The following IGF2BP3 variants were observed in gnomAD, a reference collection of about 807,000 sequenced individuals.
The protein encoded by IGF2BP3 is insulin-like growth factor 2 mRNA-binding protein 3.
IGF2BP3 carries 9 observed loss-of-function variants against 73.8 expected under a neutral mutation model. The observed-to-expected ratio is 0.12, with a 90% CI of 0.07 to 0.21. IGF2BP3 has a LOEUF of 0.21. Ranked by LOEUF, IGF2BP3 falls within the 10% of genes least tolerant of loss-of-function variation. The probability of loss-of-function intolerance (pLI) is 1.00; values close to 1 mark genes in which losing one functional copy is unlikely to be tolerated. For missense variants in IGF2BP3, 542 were observed against 714.0 expected, an observed-to-expected ratio of 0.76 and a Z score of 2.75; for synonymous variants, 258 against 256.7, an observed-to-expected ratio of 1.01 and a Z score of -0.05.
intron 3 of IGF2BP3, among the ~76,000 whole-genome samples, chr7:23,408,052 C>T (rs1467990126): frequency 6.6e-6 from 1 of 151,322 alleles, no homozygotes; most frequent in African/African-American, 2.4e-5. Flanking sequence ...AACAATCCAA[C>T]ATTCACTCAT....
At chr7:23,363,591 C>T (rs1402147649) in intron 3 of IGF2BP3, among the ~76,000 whole-genome samples, 1 of 152,024 alleles carries the variant, frequency 6.6e-6, no homozygotes, top group Non-Finnish European at 1.5e-5. Context: ...GAGTGAAATG[C>T]CCTTTATTTT....
chr7:23,425,899 G>A (rs942605265), intron 2 of IGF2BP3, among the ~76,000 whole-genome samples: 5 of 152,128 alleles, frequency 3.3e-5, no homozygotes, highest in Non-Finnish European at 5.9e-5. Flanking sequence ...TAGGGAGGTC[G>A]AGGCTGCAGT....
intron 2 of IGF2BP3, among the ~76,000 whole-genome samples, chr7:23,462,388 G>A (rs11760400): frequency 0.35 from 52,053 of 149,520 alleles, 9,381 homozygotes; most frequent in Middle Eastern, 0.42. Flanking sequence ...TTGAGACGGA[G>A]TCTTGCTCTG....
chr7:23,425,978 C>CA (rs140294159), intron 2 of IGF2BP3, among the ~76,000 whole-genome samples: 38,238 of 150,044 alleles, frequency 0.25, 5,189 homozygotes, highest in Middle Eastern at 0.39. Flanking sequence ...AAAAAACAAA[C>CA]AAAAAAACCC....
intron 12 of IGF2BP3, among the ~76,000 whole-genome samples, chr7:23,316,401 C>T (rs1783988356): frequency 6.6e-6 from 1 of 152,024 alleles, no homozygotes; most frequent in African/African-American, 2.4e-5. Context: ...AAGGCTTGGC[C>T]AGGAGCACAG....
chr7:23,442,408 GTT>G (rs56817921), intron 2 of IGF2BP3, among the ~76,000 whole-genome samples: 2 of 151,498 alleles, frequency 1.3e-5, no homozygotes, highest in Non-Finnish European at 2.9e-5. Context: ...TTTTTGTTTT[GTT>G]TTTTTTAGAT....
chr7:23,456,841 A>G (rs1328065990), intron 2 of IGF2BP3, among the ~76,000 whole-genome samples: 1 of 151,952 alleles, frequency 6.6e-6, no homozygotes, highest in Non-Finnish European at 1.5e-5. Context: ...CGAGGTCGAG[A>G]TCGAGACCAT....
At chr7:23,406,694 G>A (rs1786842598) in intron 3 of IGF2BP3, among the ~76,000 whole-genome samples, 1 of 152,156 alleles carries the variant, frequency 6.6e-6, no homozygotes, top group South Asian at 2.1e-4. Flanking sequence ...GGCTCAGGTG[G>A]CCAACTTTTA....
intron 2 of IGF2BP3, chr7:23,467,679 TAAGAAA>T (rs971422448): frequency 6.3e-4 from 96 of 152,158 alleles, no homozygotes; most frequent in African/African-American, 2.3e-3. Flanking sequence ...TAAGGCTTCA[TAAGAAA>T]AAGAAAAAGG....
intron 3 of IGF2BP3, chr7:23,362,526 C>T (rs1785256780): frequency 6.6e-6 from 1 of 152,154 alleles, no homozygotes; most frequent in South Asian, 2.1e-4. Flanking sequence ...TATGTTTTTA[C>T]CATCTTTCCT....
intron 3 of IGF2BP3, among the ~76,000 whole-genome samples, chr7:23,398,929 C>T (rs1223468816): frequency 6.6e-6 from 1 of 152,142 alleles, no homozygotes; most frequent in Non-Finnish European, 1.5e-5. Flanking sequence ...TCCCATTTGT[C>T]AATTTTGGCT....
chr7:23,446,494 T>C (rs1373897482), intron 2 of IGF2BP3, among the ~76,000 whole-genome samples: 1 of 151,816 alleles, frequency 6.6e-6, no homozygotes, highest in African/African-American at 2.4e-5. Flanking sequence ...GAGGCAGAGG[T>C]GGCAGTGAGC....
intron 5 of IGF2BP3, among the ~76,000 whole-genome samples, chr7:23,354,161 T>G (rs1785033992): frequency 6.6e-6 from 1 of 152,122 alleles, no homozygotes; most frequent in Non-Finnish European, 1.5e-5. Flanking sequence ...CCTCAGCTAA[T>G]TTTTGTATTT....
intron 3 of IGF2BP3, among the ~76,000 whole-genome samples, chr7:23,407,965 G>C (rs1256617656): frequency 2.5e-4 from 34 of 133,738 alleles, no homozygotes; most frequent in African/African-American, 8.5e-4. Context: ...GGGGGCGGGG[G>C]GGGGGGGAGT....
At chr7:23,337,661 G>A (rs1163318515) in intron 10 of IGF2BP3, among the ~76,000 whole-genome samples, 1 of 152,214 alleles carries the variant, frequency 6.6e-6, no homozygotes, top group Non-Finnish European at 1.5e-5. Flanking sequence ...GCTATCCTCA[G>A]GCAGTGTCCT....
intron 3 of IGF2BP3, among the ~76,000 whole-genome samples, chr7:23,374,549 T>G (rs1166008145): frequency 6.6e-6 from 1 of 151,856 alleles, no homozygotes; most frequent in Non-Finnish European, 1.5e-5. Context: ...TGGTGGTGAG[T>G]GCCTGTACTC....
intron 2 of IGF2BP3, among the ~76,000 whole-genome samples, chr7:23,454,826 T>C (rs2128549612): frequency 6.6e-6 from 1 of 152,364 alleles, no homozygotes; most frequent in South Asian, 2.1e-4. Flanking sequence ...TCACTTGGGA[T>C]GTCTTTAACA....
intron 2 of IGF2BP3, among the ~76,000 whole-genome samples, chr7:23,446,838 C>T (rs1788077255): frequency 6.6e-6 from 1 of 152,144 alleles, no homozygotes; most frequent in South Asian, 2.1e-4. Flanking sequence ...AAACAAAAAT[C>T]AACAAACACC....
At chr7:23,452,840 G>A (rs951075494) in intron 2 of IGF2BP3, among the ~76,000 whole-genome samples, 2 of 148,570 alleles carry the variant, frequency 1.3e-5, no homozygotes, top group South Asian at 2.1e-4. Context: ...AGGGCTGGGC[G>A]CAGTGGCTCA....
Sources: gnomAD v4.1 joint callset for allele counts (sites outside exome capture counted in the v4.1 genomes callset) on GRCh38, gnomAD v4.1.1 for gene constraint, MANE v1.5 for transcripts, NCBI Gene and HGNC (gene_info 2026-07-23, HGNC 2026-07-21) for gene names.